LHPP: variants seen among roughly 807,000 people sequenced by gnomAD.
LHPP encodes the protein hLHPP.
LHPP carries 24 observed loss-of-function variants against 30.3 expected under a neutral mutation model. The observed-to-expected ratio is 0.79, with a 90% confidence interval of 0.57 to 1.11. LHPP has a LOEUF of 1.11. LHPP is among the 50% of genes most tolerant of loss of function. The pLI is 0.00. For synonymous variants in LHPP, 150 were observed against 157.1 expected (o/e 0.95, Z 0.34); for missense variants, 356 against 367.2 (o/e 0.97, Z 0.25).
rs575041242 is a variant in LHPP, at chr10:124,574,566, G to A, written c.717-38698G>A. On this transcript the variant is annotated intron_variant, in intron 6 of 6. Coordinates refer to ENST00000368842, the MANE Select transcript of LHPP (RefSeq NM_022126.4). Reference sequence around the variant, plus strand: ...CAGGGCCGATCTGAACCCGGCACCTGTGCTGACCCAAGGGTCAACCAAAGT... The same window carrying A: ...CAGGGCCGATCTGAACCCGGCACCTATGCTGACCCAAGGGTCAACCAAAGT... Among the ~76,000 whole-genome samples the A allele has an allele frequency of 3.3e-5, 5 of 152,298 alleles. No individual in the cohort carries two copies. In the South Asian group the frequency reaches 1.0e-3, roughly 32 times the overall value.
intron 6 of LHPP, among the ~76,000 whole-genome samples, chr10:124,538,273 T>G (rs1431813422): frequency 1.3e-5 from 2 of 152,174 alleles, no homozygotes; most frequent in African/African-American, 2.4e-5. Context: ...CCACGGTCAC[T>G]CTCCCTGGGG....
chr10:124,470,912 G>C (rs912408992), intron 1 of LHPP, among the ~76,000 whole-genome samples: 4 of 151,258 alleles, frequency 2.6e-5, no homozygotes, highest in Non-Finnish European at 5.9e-5. Context: ...CCCATTTGCT[G>C]TCAGGAGGTG....
intron 5 of LHPP, among the ~76,000 whole-genome samples, chr10:124,508,783 A>G (rs1260057920): frequency 3.3e-5 from 5 of 152,172 alleles, no homozygotes; most frequent in Non-Finnish European, 7.3e-5. Flanking sequence ...TTTTGTGTCT[A>G]TATATACATT....
At chr10:124,481,754 C>T (rs565687562) in intron 1 of LHPP, among the ~76,000 whole-genome samples, 1 of 152,260 alleles carries the variant, frequency 6.6e-6, no homozygotes, top group East Asian at 1.9e-4. Flanking sequence ...CCACGCTGCT[C>T]GAGTTCTTTC....
Position 124,523,880 on chromosome 10 carries a change from C to T in LHPP, c.716+6609C>T, listed in dbSNP as rs528152858. The stretch of plus-strand genomic sequence containing the variant: ...GGAAAAATCCACTGTGCAATGAGTC[C>T]GTGAATCCCAGACATCCTCTCAGCA... On this transcript the variant is annotated intron_variant, in intron 6 of 6. Transcript: ENST00000368842. This position sits in a 1 kb window ranked among gnomAD's most constrained non-coding sequence, Gnocchi z 4.2. Among the ~76,000 whole-genome samples, 6 of 152,182 alleles carry T rather than the reference C, an allele frequency of 3.9e-5. No individual in the cohort carries two copies. The highest frequency in any genetic ancestry group is 2.1e-4 in the South Asian group (1 of 4,828).
At position 124,461,958 on chromosome 10, in the gene LHPP, C is replaced by G; in HGVS notation, c.96C>G (p.Ala32=). ...LYDSGAGGGT[A]IAGSVEAVAR... The stretch of plus-strand genomic sequence containing the variant: ...ACAGCGGCGCGGGCGGCGGCACGGC[C>G]ATCGCCGGCTCGGTGGAGGCGGTGG... Residue 32 remains alanine (A), a synonymous_variant, in exon 1 of 7, where the codon GCC becomes GCG. Coordinates refer to ENST00000368842, the MANE Select transcript of LHPP (RefSeq NM_022126.4). 8.1e-7 allele frequency: 1 copy of G among 1,228,188 alleles called. No homozygotes were observed. Among genetic ancestry groups the G allele is most frequent in the Non-Finnish European group, 1.0e-6 (1 of 981,512 alleles). The allele number at this position is 1,228,188 out of a possible 1,614,324, so 76.1% of individuals were successfully genotyped here.
chr10:124,512,646 G>A (rs1008456673), intron 5 of LHPP, among the ~76,000 whole-genome samples: 11 of 150,768 alleles, frequency 7.3e-5, no homozygotes, highest in Non-Finnish European at 1.5e-5. Flanking sequence ...AAAAGTTTAG[G>A]TAATGTATTA....
At position 124,536,547 on chromosome 10, in the gene LHPP, G is replaced by A. The variant is rs1462081544; in HGVS notation, c.716+19276G>A. Among the ~76,000 whole-genome samples, 4 of 152,234 alleles carry A rather than the reference G, an allele frequency of 2.6e-5. No homozygotes were observed. The East Asian group carries it at 7.7e-4, about 29-fold the overall frequency. Reference sequence around the variant, plus strand: ...CTTTGGGCTCCAGGGAGGCCAAGCTGCTGGGGCCCAGAGACCCTGCTGTGT... The same window carrying A: ...CTTTGGGCTCCAGGGAGGCCAAGCTACTGGGGCCCAGAGACCCTGCTGTGT... On this transcript the variant is annotated intron_variant, in intron 6 of 6. Coordinates refer to ENST00000368842, the MANE Select transcript of LHPP (RefSeq NM_022126.4).
intron 3 of LHPP, among the ~76,000 whole-genome samples, chr10:124,494,907 C>A (rs1242402236): frequency 6.6e-6 from 1 of 152,052 alleles, no homozygotes; most frequent in South Asian, 2.1e-4. Context: ...CATCTGGGAT[C>A]GTTAATGCCA....
intron 1 of LHPP, among the ~76,000 whole-genome samples, chr10:124,462,978 C>T (rs1448728703): frequency 6.6e-6 from 1 of 152,216 alleles, no homozygotes; most frequent in Non-Finnish European, 1.5e-5. Context: ...AGCGATTCTC[C>T]TGCCTCAGCC....
chr10:124,608,814 G>A lies in LHPP; in HGVS notation c.717-4450G>A, dbSNP rs78137999. Among the ~76,000 whole-genome samples, 324 of 152,312 alleles carry A rather than the reference G, an allele frequency of 2.1e-3. 4 individuals carry two copies. The highest frequency in any genetic ancestry group is 7.5e-3 in the African/African-American group (311 of 41,564). ...CCTCCAAGAGGGATCTGAGTAAGCC[G>A]GAGAGCATCAGCAGCCTCAAGGGGA... On this transcript the variant is annotated intron_variant, in intron 6 of 6. Transcript: ENST00000368842.
At chr10:124,603,960 T>C (rs1002990165) in intron 6 of LHPP, among the ~76,000 whole-genome samples, 8 of 152,234 alleles carry the variant, frequency 5.3e-5, no homozygotes, top group Non-Finnish European at 8.8e-5. Flanking sequence ...GCTGGAGTGC[T>C]GGGCTCAGGT....
chr10:124,479,001 G>A (rs947614592), intron 1 of LHPP, among the ~76,000 whole-genome samples: 2 of 151,952 alleles, frequency 1.3e-5, no homozygotes, highest in Non-Finnish European at 2.9e-5. Context: ...CCCAGGAGGC[G>A]GAGGTTGCAG....
chr10:124,575,985 C>T (rs992826757), intron 6 of LHPP, among the ~76,000 whole-genome samples: 1 of 152,150 alleles, frequency 6.6e-6, no homozygotes, highest in African/African-American at 2.4e-5. Flanking sequence ...GTTCACATCC[C>T]TTGGGGCCTG....
At chr10:124,562,360 A>C (rs1230945834) in intron 6 of LHPP, among the ~76,000 whole-genome samples, 1 of 152,194 alleles carries the variant, frequency 6.6e-6, no homozygotes, top group Non-Finnish European at 1.5e-5. Context: ...GAGCCAAATG[A>C]AAATTTTAGA....
chr10:124,600,476 C>T (rs995629631), intron 6 of LHPP, among the ~76,000 whole-genome samples: 6 of 152,236 alleles, frequency 3.9e-5, no homozygotes, highest in African/African-American at 1.4e-4. Context: ...ATGCCCACAC[C>T]TCTCAGTCTG....
intron 4 of LHPP, 137 bp from the exon 5 acceptor site, chr10:124,497,899 A>C (rs1953773613): frequency 1.4e-6 from 1 of 689,736 alleles, no homozygotes; most frequent in Admixed American, 2.4e-5. Flanking sequence ...CTGTGAGATG[A>C]GTTCTCAGGC....
At chr10:124,606,489 G>A (rs1188875527) in intron 6 of LHPP, among the ~76,000 whole-genome samples, 1 of 68,094 alleles carries the variant, frequency 1.5e-5, no homozygotes, top group Non-Finnish European at 3.3e-5. Flanking sequence ...GTGGAGGTGG[G>A]AGGGGGCAGG....
intron 6 of LHPP, among the ~76,000 whole-genome samples, chr10:124,549,405 T>A (rs912673239): frequency 1.0e-4 from 15 of 150,286 alleles, no homozygotes; most frequent in Non-Finnish European, 2.1e-4. Flanking sequence ...AGCCATGCAC[T>A]CCAGCCTGGA....
Sources: gnomAD v4.1 joint callset for allele counts (sites outside exome capture counted in the v4.1 genomes callset) on GRCh38, gnomAD v4.1.1 for gene constraint, Gnocchi (gnomAD v3.1) non-coding constraint, MANE v1.5 for transcripts, NCBI Gene and HGNC (gene_info 2026-07-23, HGNC 2026-07-21) for gene names.